UNC13C: variants seen among roughly 807,000 people sequenced by gnomAD.
UNC13C encodes the protein unc-13 homolog C.
Under a neutral mutation model 245.4 loss-of-function variants are expected in UNC13C, and 174 were observed. The observed-to-expected ratio is 0.71, with a 90% CI of 0.63 to 0.80. The LOEUF is 0.80. Among genes scored for constraint, UNC13C ranks in the 30% least tolerant of loss-of-function variants. The pLI is 0.00. For synonymous variants in UNC13C, 992 were observed against 895.1 expected, an observed-to-expected ratio of 1.11 and a Z score of -1.93; for missense variants, 2,829 against 2,602.9, an observed-to-expected ratio of 1.09 and a Z score of -1.89.
rs1029465483 is a variant in UNC13C at position 54,500,912 on chromosome 15, AATT to A, written c.5240_5242del (p.Ile1747del). The A allele has an allele frequency of 9.9e-6, 16 of 1,612,962 alleles. No homozygotes were observed. In the Admixed American group the frequency reaches 2.2e-4, roughly 22 times the overall value. The stretch of plus-strand genomic sequence containing the variant: ...TTGCTCAGCTGAATCAGAGCTTTGA[AATT>A]ATTAAGAAACTGGAATGCCCTAATC... On this transcript the variant is annotated inframe_deletion, in exon 22 of 33. Coordinates refer to ENST00000260323, the MANE Select transcript of UNC13C (RefSeq NM_001080534.3).
At chr15:54,340,792 T>A (rs2038710097) in intron 17 of UNC13C, among the ~76,000 whole-genome samples, 1 of 152,136 alleles carries the variant, frequency 6.6e-6, no homozygotes, top group African/African-American at 2.4e-5. Flanking sequence ...TCCATATGAA[T>A]TTTAGGACTG....
chr15:54,113,905 G>A (rs1263240821), intron 2 of UNC13C, among the ~76,000 whole-genome samples: 2 of 152,154 alleles, frequency 1.3e-5, no homozygotes, highest in Admixed American at 6.5e-5. Context: ...ATGTACCTGT[G>A]TACGTTTTGC....
At chr15:54,103,244 T>C (rs1900258378) in intron 2 of UNC13C, among the ~76,000 whole-genome samples, 1 of 152,204 alleles carries the variant, frequency 6.6e-6, no homozygotes, top group Non-Finnish European at 1.5e-5. Context: ...CATCTCGCCA[T>C]TCTTTTACAC....
chr15:54,059,487 A>C (rs11071020), intron 2 of UNC13C, among the ~76,000 whole-genome samples: 8 of 151,564 alleles, frequency 5.3e-5, no homozygotes, highest in Admixed American at 4.6e-4. Context: ...ATGGAAGAAC[A>C]TTCCATGCTC....
intron 30 of UNC13C, among the ~76,000 whole-genome samples, chr15:54,611,003 C>A (rs1900063301): frequency 6.6e-6 from 1 of 152,068 alleles, no homozygotes; most frequent in South Asian, 2.1e-4. Flanking sequence ...GGCATAACTT[C>A]GTGATGTAAT....
At chr15:54,441,045 T>C (rs1158589152) in intron 19 of UNC13C, among the ~76,000 whole-genome samples, 3 of 152,080 alleles carry the variant, frequency 2.0e-5, no homozygotes, top group Admixed American at 1.3e-4. Context: ...GTTCCTTCTA[T>C]ATACTGAATA....
Position 54,567,916 on chromosome 15 carries a change from A to G in UNC13C, c.6075A>G (p.Ile2025Met). 1 of 1,583,802 alleles carries G rather than the reference A, an allele frequency of 6.3e-7. No homozygotes were observed. Among genetic ancestry groups the G allele is most frequent in the Non-Finnish European group, 8.6e-7 (1 of 1,163,056 alleles). Reference sequence around the variant, plus strand: ...ATACCCAAACTACTGATGCCTTGATAAAGAAATTCATAGATACTCAAACCT... The same window carrying G: ...ATACCCAAACTACTGATGCCTTGATGAAGAAATTCATAGATACTCAAACCT... ...SLYTQTTDAL[I>M]KKFIDTQTSQ... The change falls in exon 30 of 33, where the codon ATA becomes ATG. Residue 2025 changes from isoleucine (I) to methionine (M), a missense_variant. Transcript: ENST00000260323.
Position 54,627,746 on chromosome 15 carries a change from T to C in UNC13C, c.*633T>C, listed in dbSNP as rs1348382473. 2.6e-5 allele frequency: 4 copies of C among 152,606 alleles called. No homozygotes were observed. Among genetic ancestry groups the C allele is most frequent in the Admixed American group, 6.6e-5 (1 of 15,256 alleles). The allele number at this position is 152,606 out of a possible 1,614,324, so 9.5% of individuals were successfully genotyped here. A position where few individuals can be genotyped will look rare whatever the true frequency, so the allele number is the denominator to read the frequency against. On this transcript the variant is annotated 3_prime_UTR_variant, in exon 33 of 33. Transcript: ENST00000260323. ...AATGCTAGAGTTTGTTAACAATGTT[T>C]GATATATATTGACAAAACTTTGTTC...
At chr15:54,316,601 T>C (rs1448902708) in intron 13 of UNC13C, among the ~76,000 whole-genome samples, 1 of 151,952 alleles carries the variant, frequency 6.6e-6, no homozygotes, top group Non-Finnish European at 1.5e-5. Flanking sequence ...CAGCAGTCTA[T>C]AAGCAGATTC....
At chr15:54,167,290 CAGG>C (rs1200892213) in intron 4 of UNC13C, among the ~76,000 whole-genome samples, 1 of 151,900 alleles carries the variant, frequency 6.6e-6, no homozygotes, top group Non-Finnish European at 1.5e-5. Context: ...ATCACGAGGT[CAGG>C]AGATCGAGAC....
chr15:54,138,431 G>T (rs1009038832), intron 2 of UNC13C, among the ~76,000 whole-genome samples: 1 of 60,826 alleles, frequency 1.6e-5, no homozygotes, highest in African/African-American at 6.0e-5. Context: ...ATATATAACT[G>T]TTTTTGTTTT....
chr15:54,406,053 A>G (rs2040286029), intron 18 of UNC13C, among the ~76,000 whole-genome samples: 1 of 152,188 alleles, frequency 6.6e-6, no homozygotes, highest in Non-Finnish European at 1.5e-5. Flanking sequence ...TAGTCACTAT[A>G]ACAAGATCCA....
At chr15:54,005,199 G>A (rs1895081832) in intron 1 of UNC13C, among the ~76,000 whole-genome samples, 1 of 152,110 alleles carries the variant, frequency 6.6e-6, no homozygotes, top group Non-Finnish European at 1.5e-5. Flanking sequence ...TTTCAACAAA[G>A]ACCAAAATTT....
chr15:54,511,523 G>T (rs537012876), intron 23 of UNC13C, among the ~76,000 whole-genome samples: 1 of 151,970 alleles, frequency 6.6e-6, no homozygotes, highest in Non-Finnish European at 1.5e-5. Context: ...AGTCTCCAAT[G>T]GTTTATTGTC....
chr15:54,235,126 A>G lies in UNC13C; in HGVS notation c.3150+18A>G. ...GAGATGTGGTAAGTTACAACTGTTT[A>G]ATTCTCTTCGATTGCATGTGTGGTT... is the stretch of plus-strand genomic sequence containing the variant. On this transcript the variant is annotated intron_variant, in intron 5 of 32. Coordinates refer to ENST00000260323, the MANE Select transcript of UNC13C (RefSeq NM_001080534.3). 1 of 1,610,688 alleles carries G rather than the reference A, an allele frequency of 6.2e-7. No homozygotes were observed. The highest frequency in any genetic ancestry group is 8.5e-7 in the Non-Finnish European group (1 of 1,177,024).
chr15:54,286,394 A>T (rs1039564989), intron 10 of UNC13C, among the ~76,000 whole-genome samples: 1 of 152,174 alleles, frequency 6.6e-6, no homozygotes, highest in African/African-American at 2.4e-5. Context: ...ATCTAGCCCA[A>T]CTATAAGTGC....
At chr15:54,280,767 TAC>T (rs767479367) in intron 10 of UNC13C, among the ~76,000 whole-genome samples, 16,769 of 137,980 alleles carry the variant, frequency 0.12, 1,137 homozygotes, top group African/African-American at 0.16. Flanking sequence ...CATACATACA[TAC>T]ATATATATAT....
chr15:54,353,716 C>G (rs950483532), intron 17 of UNC13C, among the ~76,000 whole-genome samples: 3 of 152,306 alleles, frequency 2.0e-5, no homozygotes, highest in Middle Eastern at 3.4e-3. Context: ...TGTCTAATTG[C>G]TATTCTTACC....
chr15:54,560,244 ATTC>A (rs1474211715), intron 29 of UNC13C, among the ~76,000 whole-genome samples: 6 of 151,914 alleles, frequency 3.9e-5, no homozygotes, highest in African/African-American at 1.2e-4. Flanking sequence ...AAAAAAGGGA[ATTC>A]TTCTTATAAT....
Sources: allele counts gnomAD v4.1 joint callset (sites outside exome capture counted in the v4.1 genomes callset), GRCh38; gene constraint gnomAD v4.1.1; transcripts MANE v1.5; gene names NCBI Gene and HGNC (gene_info 2026-07-23, HGNC 2026-07-21).